ZHX2: variants seen among roughly 807,000 people sequenced by gnomAD.
ZHX2 encodes the protein zinc fingers and homeoboxes 2, also known as zinc fingers and homeoboxes protein 2.
In ZHX2, 6 loss-of-function variants were observed where a neutral mutation model predicts 21.9. The ratio of observed to expected loss-of-function variants is 0.27; its 90% CI spans 0.15 to 0.54. The LOEUF (loss-of-function observed/expected upper bound fraction) is 0.54, where lower values mean the gene tolerates loss of function less well. Ranked by LOEUF, ZHX2 falls within the 20% of genes least tolerant of loss-of-function variation. ZHX2 has a pLI of 0.95. For missense variants in ZHX2, 908 were observed against 1,090.7 expected, an observed-to-expected ratio of 0.83 and a Z score of 2.36; for synonymous variants, 434 against 437.1, an observed-to-expected ratio of 0.99 and a Z score of 0.09.
At chr8:122,931,912 A>G (rs1045821939) in intron 2 of ZHX2, among the ~76,000 whole-genome samples, 2 of 152,180 alleles carry the variant, frequency 1.3e-5, no homozygotes, top group African/African-American at 4.8e-5. Flanking sequence ...GGGTGGTCAT[A>G]GTGGAAAATG....
chr8:122,932,891 G>A (rs570396971), intron 2 of ZHX2, among the ~76,000 whole-genome samples: 99 of 152,168 alleles, frequency 6.5e-4, no homozygotes, highest in African/African-American at 2.3e-3. Flanking sequence ...ACAGCCTCTC[G>A]GTGTGGTTTG....
chr8:122,868,269 C>T (rs1037355387), intron 2 of ZHX2, among the ~76,000 whole-genome samples: 4 of 152,056 alleles, frequency 2.6e-5, no homozygotes, highest in South Asian at 4.1e-4. Context: ...TTGTTAATAA[C>T]GGGTAAGAAG....
chr8:122,961,584 G>A (rs570866180), intron 3 of ZHX2, among the ~76,000 whole-genome samples: 16 of 152,282 alleles, frequency 1.1e-4, no homozygotes, highest in African/African-American at 3.1e-4. Context: ...GGAAACTTAC[G>A]ATCATGGCGG....
intron 3 of ZHX2, among the ~76,000 whole-genome samples, chr8:122,955,032 A>G (rs1009326457): frequency 1.5e-4 from 17 of 115,240 alleles, no homozygotes; most frequent in Admixed American, 1.1e-3. Flanking sequence ...AATCTGGAAG[A>G]GCCGGGTGTA....
At chr8:122,883,757 C>T (rs1819770712) in intron 2 of ZHX2, among the ~76,000 whole-genome samples, 1 of 152,212 alleles carries the variant, frequency 6.6e-6, no homozygotes, top group East Asian at 1.9e-4. Context: ...AACCAAATGT[C>T]AGAAGGGTTT....
At chr8:122,844,707 GTCTC>G (rs1018927180) in intron 1 of ZHX2, among the ~76,000 whole-genome samples, 6 of 151,966 alleles carry the variant, frequency 3.9e-5, no homozygotes, top group East Asian at 1.9e-4. Context: ...TTCTCACTGA[GTCTC>G]TCTCTCTCTT....
At chr8:122,899,093 C>A (rs1281656966) in intron 2 of ZHX2, among the ~76,000 whole-genome samples, 1 of 152,192 alleles carries the variant, frequency 6.6e-6, no homozygotes, top group Non-Finnish European at 1.5e-5. Context: ...TATTAAATCC[C>A]TCCTGGCCCA....
At chr8:122,786,631 A>G (rs1817401640) in intron 1 of ZHX2, among the ~76,000 whole-genome samples, 1 of 152,170 alleles carries the variant, frequency 6.6e-6, no homozygotes, top group East Asian at 1.9e-4. Flanking sequence ...TGTAAATTTG[A>G]GGTGCCAAGT....
intron 1 of ZHX2, among the ~76,000 whole-genome samples, chr8:122,853,762 C>G (rs1818960803): frequency 6.6e-6 from 1 of 152,112 alleles, no homozygotes; most frequent in Admixed American, 6.5e-5. Flanking sequence ...CACTATCTCC[C>G]CATGCCCTTT....
intron 3 of ZHX2, among the ~76,000 whole-genome samples, chr8:122,955,186 G>T (rs1258517796): frequency 6.6e-6 from 1 of 150,410 alleles, no homozygotes; most frequent in Non-Finnish European, 1.5e-5. Flanking sequence ...AGTGCAAATC[G>T]AGGCCTGAAG....
At chr8:122,909,877 G>A (rs541425168) in intron 2 of ZHX2, among the ~76,000 whole-genome samples, 77 of 152,228 alleles carry the variant, frequency 5.1e-4, no homozygotes, top group African/African-American at 1.6e-3. Flanking sequence ...CTTCTTGCCC[G>A]CCTAAAACCC....
chr8:122,869,770 T>C (rs1040566021), intron 2 of ZHX2, among the ~76,000 whole-genome samples: 3 of 152,194 alleles, frequency 2.0e-5, no homozygotes, highest in African/African-American at 7.2e-5. Flanking sequence ...GAATCTCAGC[T>C]CCACCTTTGC....
chr8:122,939,622 C>CATCT (rs1812792640), intron 2 of ZHX2, among the ~76,000 whole-genome samples: 1 of 152,104 alleles, frequency 6.6e-6, no homozygotes, highest in Admixed American at 6.5e-5. Context: ...CAAAGAGATG[C>CATCT]TTGGAGATGG....
chr8:122,839,392 T>C (rs1300333164), intron 1 of ZHX2, among the ~76,000 whole-genome samples: 5 of 152,168 alleles, frequency 3.3e-5, no homozygotes, highest in African/African-American at 1.2e-4. Context: ...GTGACTTCCA[T>C]GTGTTTTCCA....
intron 2 of ZHX2, among the ~76,000 whole-genome samples, chr8:122,919,488 A>G (rs1820686215): frequency 6.6e-6 from 1 of 152,214 alleles, no homozygotes; most frequent in African/African-American, 2.4e-5. Context: ...TTGTTTTTTA[A>G]TCAATCATGT....
Position 122,782,485 on chromosome 8 carries a change from G to T in ZHX2, c.-283+539G>T, listed in dbSNP as rs1370280618. 1.3e-5 allele frequency among the ~76,000 whole-genome samples: 2 copies of T among 152,124 alleles called. No individual in the cohort carries two copies. Reference sequence around the variant, plus strand: ...TCTCCGCGCGTTTTGGCAGGCGGGGGGCTGCGTGTGTCTGCTCCCCTCCCT... The same window carrying T: ...TCTCCGCGCGTTTTGGCAGGCGGGGTGCTGCGTGTGTCTGCTCCCCTCCCT... On this transcript the variant is annotated intron_variant, in intron 1 of 3. Transcript: ENST00000314393. The surrounding 1 kb of genome is among the most constrained non-coding windows in gnomAD (Gnocchi z 5.3).
At position 122,961,588 on chromosome 8, in the gene ZHX2, A is replaced by G. The variant is rs886592924; in HGVS notation, c.*4+7560A>G. On this transcript the variant is annotated intron_variant, in intron 3 of 3. Transcript: ENST00000314393. ...GGGAGGCCTCAGGAAACTTACGATC[A>G]TGGCGGAAGGCGAAGGGGAAGCAAG... 3.3e-5 allele frequency among the ~76,000 whole-genome samples: 5 copies of G among 152,190 alleles called. No individual in the cohort carries two copies. The East Asian group carries it at 9.6e-4, about 29-fold the overall frequency.
chr8:122,836,236 A>G (rs1818492532), intron 1 of ZHX2, among the ~76,000 whole-genome samples: 1 of 152,190 alleles, frequency 6.6e-6, no homozygotes, highest in African/African-American at 2.4e-5. Flanking sequence ...GGATTTTTGG[A>G]CCAGAGAAAT....
At chr8:122,804,627 A>T (rs1817789217) in intron 1 of ZHX2, among the ~76,000 whole-genome samples, 1 of 152,224 alleles carries the variant, frequency 6.6e-6, no homozygotes, top group African/African-American at 2.4e-5. Context: ...AGGACATAGA[A>T]TAAGCAGTGC....
Sources: gnomAD v4.1 joint callset for allele counts (sites outside exome capture counted in the v4.1 genomes callset) on GRCh38, gnomAD v4.1.1 for gene constraint, Gnocchi (gnomAD v3.1) non-coding constraint, MANE v1.5 for transcripts, NCBI Gene and HGNC (gene_info 2026-07-23, HGNC 2026-07-21) for gene names.